The following COL22A1 variants were observed in gnomAD, a reference collection of about 807,000 sequenced individuals.
COL22A1 encodes the protein collagen type XXII alpha 1 chain.
Under a neutral mutation model 248.9 loss-of-function variants are expected in COL22A1, and 221 were observed. That is an observed-to-expected ratio of 0.89 (90% CI 0.80 to 0.99). The LOEUF (loss-of-function observed/expected upper bound fraction) is 0.99. COL22A1 is among the 50% of genes least tolerant of loss of function. The pLI is 0.00. For synonymous variants in COL22A1, 891 were observed against 793.4 expected, an observed-to-expected ratio of 1.12 and a Z score of -2.07; for missense variants, 2,240 against 2,179.0, an observed-to-expected ratio of 1.03 and a Z score of -0.56.
Position 138,688,904 on chromosome 8 carries a change from A to G in COL22A1, c.2862+13T>C, listed in dbSNP as rs763280856. ...ATATTCACTTGTGTGCTGAGAGATC[A>G]TATTGGTCTTACCTTCTCACCACGC... On this transcript the variant is annotated intron_variant, in intron 37 of 64. Coordinates refer to ENST00000303045, the MANE Select transcript of COL22A1 (RefSeq NM_152888.3). 3.7e-6 allele frequency: 6 copies of G among 1,608,726 alleles called. No individual in the cohort carries two copies. In the African/African-American group the frequency reaches 5.3e-5, roughly 14 times the overall value.
intron 43 of COL22A1, 137 bp from the exon 44 acceptor site, chr8:138,660,617 G>A (rs576188405): frequency 6.2e-5 from 44 of 710,168 alleles, no homozygotes; most frequent in African/African-American, 4.1e-4. Flanking sequence ...CATGAGGATT[G>A]GCACCAATAA....
chr8:138,807,135 TAA>T (rs1240050938), intron 10 of COL22A1, among the ~76,000 whole-genome samples: 18 of 151,674 alleles, frequency 1.2e-4, no homozygotes, highest in Middle Eastern at 3.4e-3. Flanking sequence ...CAGTGACACA[TAA>T]AGAGAGGCAA....
intron 16 of COL22A1, among the ~76,000 whole-genome samples, chr8:138,766,575 A>G (rs187294853): frequency 9.2e-5 from 14 of 152,222 alleles, no homozygotes; most frequent in Middle Eastern, 3.4e-3. Context: ...AAAAAGACAG[A>G]AGACAGATAG....
chr8:138,779,065 G>A (rs1402385695), intron 14 of COL22A1, among the ~76,000 whole-genome samples: 1 of 152,200 alleles, frequency 6.6e-6, no homozygotes, highest in Non-Finnish European at 1.5e-5. Context: ...ATGCACACAT[G>A]CACGCATATT....
At chr8:138,764,519 C>T (rs1833769349) in intron 16 of COL22A1, among the ~76,000 whole-genome samples, 1 of 152,256 alleles carries the variant, frequency 6.6e-6, no homozygotes, top group Non-Finnish European at 1.5e-5. Context: ...GTGTCCCAAC[C>T]CTCTCTGGGC....
chr8:138,674,421 C>T (rs573280307), intron 41 of COL22A1, among the ~76,000 whole-genome samples: 3 of 152,308 alleles, frequency 2.0e-5, no homozygotes, highest in South Asian at 4.1e-4. Context: ...CAGGCCATTA[C>T]TGGCCTGGGC....
rs149834302 is a variant in COL22A1, at chr8:138,683,498, C to T, written c.3012+927G>A. Among the ~76,000 whole-genome samples, 15 of 152,258 alleles carry T rather than the reference C, an allele frequency of 9.9e-5. No homozygotes were observed. In the East Asian group the frequency reaches 2.7e-3, roughly 27 times the overall value. On this transcript the variant is annotated intron_variant, in intron 39 of 64. Transcript: ENST00000303045. ...GCATTTCTCTTTTCCTCCTGTGTGC[C>T]TCAGCAGACGACATGCCCCAGTCTC...
chr8:138,740,288 G>C (rs1352002089), intron 22 of COL22A1, among the ~76,000 whole-genome samples: 2 of 152,234 alleles, frequency 1.3e-5, no homozygotes. Flanking sequence ...ACTGAAAGGA[G>C]AGATCGGAAT....
At chr8:138,619,647 G>T in intron 52 of COL22A1, 139 bp from the exon 53 acceptor site, 1 of 751,696 alleles carries the variant, frequency 1.3e-6, no homozygotes, top group South Asian at 1.6e-5. Context: ...CTGGTGTCTT[G>T]GTCCTTCTTA....
At chr8:138,681,748 T>C (rs1027552852) in intron 39 of COL22A1, among the ~76,000 whole-genome samples, 3 of 152,198 alleles carry the variant, frequency 2.0e-5, no homozygotes, top group Non-Finnish European at 2.9e-5. Flanking sequence ...CCTCTCCATA[T>C]ATACCCACTG....
rs796967521 is a variant in COL22A1 at position 138,774,602 on chromosome 8, T to G, written c.1803+1364A>C. Among the ~76,000 whole-genome samples, 20 of 152,156 alleles carry G rather than the reference T, an allele frequency of 1.3e-4. 1 individual carries two copies. Among genetic ancestry groups the G allele is most frequent in the African/African-American group, 4.8e-4 (20 of 41,516 alleles). On this transcript the variant is annotated intron_variant, in intron 16 of 64. Coordinates refer to ENST00000303045, the MANE Select transcript of COL22A1 (RefSeq NM_152888.3). ...CCCGGCTAATTTTTGTTATTTTTAGTAGAGACGGGGTTTCACCGTGTTAAG... is the reference window on the plus strand; with the variant it reads ...CCCGGCTAATTTTTGTTATTTTTAGGAGAGACGGGGTTTCACCGTGTTAAG...
chr8:138,755,579 T>C, intron 19 of COL22A1, 68 bp from the exon 20 acceptor site: 1 of 1,536,114 alleles, frequency 6.5e-7, no homozygotes, highest in South Asian at 1.1e-5. Flanking sequence ...CTCTCTCAGC[T>C]GCACTAAGGC....
chr8:138,864,562 A>G (rs887746560), intron 3 of COL22A1, among the ~76,000 whole-genome samples: 1 of 152,192 alleles, frequency 6.6e-6, no homozygotes, highest in African/African-American at 2.4e-5. Flanking sequence ...TTAGAAGGAA[A>G]GAAGTTATTT....
rs71532172 is a variant in COL22A1 at position 138,630,449 on chromosome 8, T to C, written c.3663+246A>G. On this transcript the variant is annotated intron_variant, in intron 50 of 64. Transcript: ENST00000303045. Reference sequence around the variant, plus strand: ...CTTATTTGCATTGACAGTTGTAAACTGAATTCTGGAATCACAGATCTTCAT... The same window carrying C: ...CTTATTTGCATTGACAGTTGTAAACCGAATTCTGGAATCACAGATCTTCAT... 6.7e-3 allele frequency among the ~76,000 whole-genome samples: 1,021 copies of C among 152,336 alleles called. 10 individuals are homozygous for C. The highest frequency in any genetic ancestry group is 0.01 in the Non-Finnish European group (710 of 68,030).
intron 10 of COL22A1, among the ~76,000 whole-genome samples, chr8:138,805,562 T>C (rs1221535600): frequency 6.9e-6 from 1 of 144,742 alleles, no homozygotes; most frequent in Non-Finnish European, 1.5e-5. Flanking sequence ...TGATGGTGTG[T>C]TATGGTGTGT....
intron 12 of COL22A1, among the ~76,000 whole-genome samples, chr8:138,787,436 G>A (rs925607019): frequency 2.6e-5 from 4 of 152,188 alleles, no homozygotes; most frequent in African/African-American, 4.8e-5. Context: ...TCCTTCACCT[G>A]GAAGGGAGAT....
At chr8:138,718,573 G>A (rs1462810856) in intron 27 of COL22A1, among the ~76,000 whole-genome samples, 1 of 152,158 alleles carries the variant, frequency 6.6e-6, no homozygotes, top group African/African-American at 2.4e-5. Context: ...CCTCTAAGTG[G>A]ACTTTCACAA....
chr8:138,891,892 G>A (rs1054372425), intron 1 of COL22A1, among the ~76,000 whole-genome samples: 2 of 152,194 alleles, frequency 1.3e-5, no homozygotes, highest in African/African-American at 4.8e-5. Context: ...GTTAACCCCT[G>A]GGAGGGAAGA....
chr8:138,845,285 G>A (rs1379107478), intron 3 of COL22A1, among the ~76,000 whole-genome samples: 3 of 152,124 alleles, frequency 2.0e-5, no homozygotes, highest in Non-Finnish European at 4.4e-5. Flanking sequence ...GACGGGGGGG[G>A]ATCACCTGAG....
Sources: allele counts gnomAD v4.1 joint callset (sites outside exome capture counted in the v4.1 genomes callset), GRCh38; gene constraint gnomAD v4.1.1; transcripts MANE v1.5; gene names NCBI Gene and HGNC (gene_info 2026-07-23, HGNC 2026-07-21).